ARHGAP15: variants seen among roughly 807,000 people sequenced by gnomAD.
The protein encoded by ARHGAP15 is rho GTPase-activating protein 15.
Under a neutral mutation model 63.7 loss-of-function variants are expected in ARHGAP15, and 51 were observed. The ratio of observed to expected loss-of-function variants is 0.80; its 90% CI spans 0.64 to 1.01. The LOEUF (loss-of-function observed/expected upper bound fraction) is 1.01. Ranked by LOEUF, ARHGAP15 falls within the 50% of genes least tolerant of loss-of-function variation. The pLI, the probability that ARHGAP15 is intolerant of heterozygous loss-of-function variation, is 0.00. For synonymous variants in ARHGAP15, 191 were observed against 193.8 expected (o/e 0.99, Z 0.12); for missense variants, 560 against 564.6 (o/e 0.99, Z 0.08).
chr2:143,724,051 ATGTGTG>A (rs70982882), intron 13 of ARHGAP15, among the ~76,000 whole-genome samples: 3 of 149,858 alleles, frequency 2.0e-5, no homozygotes, highest in Non-Finnish European at 4.4e-5. Flanking sequence ...ATCCACCTTC[ATGTGTG>A]TGTGTGTGTG....
chr2:143,555,188 T>C (rs962596481), intron 10 of ARHGAP15, among the ~76,000 whole-genome samples: 3 of 152,154 alleles, frequency 2.0e-5, no homozygotes, highest in African/African-American at 4.8e-5. Context: ...CAATGCAATA[T>C]TTTGCACAAT....
chr2:143,661,473 G>C (rs1681769734), intron 12 of ARHGAP15, among the ~76,000 whole-genome samples: 1 of 152,050 alleles, frequency 6.6e-6, no homozygotes, highest in Non-Finnish European at 1.5e-5. Context: ...AGAGAGACAA[G>C]GGTACAAAAA....
Position 143,585,252 on chromosome 2 carries a change from T to A in ARHGAP15, c.1003+28767T>A, listed in dbSNP as rs557179021. ...CTGATTTTATGCAACTATATTGCTG[T>A]TTGTCAAAAGAATACTTAAAAACTT... On this transcript the variant is annotated intron_variant, in intron 11 of 13. Coordinates refer to ENST00000295095, the MANE Select transcript of ARHGAP15 (RefSeq NM_018460.4). Among the ~76,000 whole-genome samples, 279 of 152,288 alleles carry A rather than the reference T, an allele frequency of 1.8e-3. 2 individuals are homozygous for A. The highest frequency in any genetic ancestry group is 2.9e-3 in the Non-Finnish European group (198 of 68,020).
At chr2:143,702,410 ATT>A (rs1034077155) in intron 12 of ARHGAP15, among the ~76,000 whole-genome samples, 1 of 151,616 alleles carries the variant, frequency 6.6e-6, no homozygotes, top group African/African-American at 2.4e-5. Context: ...TGCTATTTCA[ATT>A]TTTTTTTCTG....
chr2:143,400,876 T>A (rs1687962384), intron 6 of ARHGAP15, among the ~76,000 whole-genome samples: 1 of 152,060 alleles, frequency 6.6e-6, no homozygotes, highest in Non-Finnish European at 1.5e-5. Flanking sequence ...ACTTATTGAT[T>A]TTTGAGTACA....
chr2:143,637,069 G>A (rs1368109144), intron 12 of ARHGAP15, among the ~76,000 whole-genome samples: 1 of 151,438 alleles, frequency 6.6e-6, no homozygotes, highest in Non-Finnish European at 1.5e-5. Context: ...CCTACCAGGA[G>A]AGCCCCACCC....
intron 6 of ARHGAP15, among the ~76,000 whole-genome samples, chr2:143,349,531 T>C (rs1337617313): frequency 6.6e-6 from 1 of 152,214 alleles, no homozygotes; most frequent in Non-Finnish European, 1.5e-5. Context: ...GAGGGTCACT[T>C]TGCATGTGAA....
chr2:143,496,476 T>C (rs562982027), intron 9 of ARHGAP15, among the ~76,000 whole-genome samples: 5 of 152,302 alleles, frequency 3.3e-5, no homozygotes, highest in African/African-American at 1.2e-4. Flanking sequence ...CAAGAATTTA[T>C]TTTCTTATGG....
intron 12 of ARHGAP15, among the ~76,000 whole-genome samples, chr2:143,681,103 T>G (rs1004132961): frequency 6.6e-6 from 1 of 152,160 alleles, no homozygotes; most frequent in African/African-American, 2.4e-5. Context: ...TGTAGTCTGT[T>G]AAACACCATA....
chr2:143,484,740 C>T (rs115256010), intron 8 of ARHGAP15, among the ~76,000 whole-genome samples: 1,745 of 152,128 alleles, frequency 0.011, 30 homozygotes, highest in African/African-American at 0.04. Context: ...CAAAAAGAAA[C>T]AATTTAAATA....
intron 11 of ARHGAP15, among the ~76,000 whole-genome samples, chr2:143,584,667 A>G (rs1460563239): frequency 2.6e-5 from 4 of 152,154 alleles, no homozygotes; most frequent in African/African-American, 4.8e-5. Context: ...AATATAATAC[A>G]TATCTACAAA....
chr2:143,732,547 C>A (rs926638386), intron 13 of ARHGAP15, among the ~76,000 whole-genome samples: 1 of 152,070 alleles, frequency 6.6e-6, no homozygotes, highest in Non-Finnish European at 1.5e-5. Flanking sequence ...TAGCTCACAA[C>A]CTCACATTTA....
At chr2:143,534,730 A>G (rs1342306434) in intron 10 of ARHGAP15, among the ~76,000 whole-genome samples, 1 of 151,920 alleles carries the variant, frequency 6.6e-6, no homozygotes, top group Non-Finnish European at 1.5e-5. Flanking sequence ...AATACCAAAA[A>G]AAATAGCCAG....
At chr2:143,333,400 T>G (rs1684635575) in intron 6 of ARHGAP15, among the ~76,000 whole-genome samples, 1 of 152,208 alleles carries the variant, frequency 6.6e-6, no homozygotes, top group African/African-American at 2.4e-5. Context: ...TTCGAGCCCT[T>G]CTTGTCCGAG....
chr2:143,764,671 C>T (rs1686887632), intron 13 of ARHGAP15, among the ~76,000 whole-genome samples: 1 of 152,132 alleles, frequency 6.6e-6, no homozygotes, highest in Non-Finnish European at 1.5e-5. Context: ...TCAGACTATC[C>T]CTCCACTAAT....
intron 12 of ARHGAP15, among the ~76,000 whole-genome samples, chr2:143,653,192 A>G (rs1681260769): frequency 6.6e-6 from 1 of 152,086 alleles, no homozygotes; most frequent in African/African-American, 2.4e-5. Flanking sequence ...AGATTTTTAA[A>G]ATGCTAAATC....
At chr2:143,511,568 T>TTTTGTTTGTTTGTTTG (rs35790368) in intron 9 of ARHGAP15, among the ~76,000 whole-genome samples, 1 of 150,676 alleles carries the variant, frequency 6.6e-6, no homozygotes, top group Admixed American at 6.6e-5. Context: ...AAGTGTTCTT[T>TTTTGTTTGTTTGTTTG]TTTGTTTGTT....
chr2:143,354,737 C>T (rs1370710272), intron 6 of ARHGAP15, among the ~76,000 whole-genome samples: 5 of 152,036 alleles, frequency 3.3e-5, no homozygotes, highest in Non-Finnish European at 5.9e-5. Context: ...GCGCCTGGAA[C>T]GACTTTGCTT....
intron 8 of ARHGAP15, among the ~76,000 whole-genome samples, chr2:143,443,401 T>G (rs1689983322): frequency 6.7e-6 from 1 of 148,214 alleles, no homozygotes. Context: ...AGGACAAAGT[T>G]TTCTGATTTG....
Sources: gnomAD v4.1 joint callset for allele counts (sites outside exome capture counted in the v4.1 genomes callset) on GRCh38, gnomAD v4.1.1 for gene constraint, MANE v1.5 for transcripts, NCBI Gene and HGNC (gene_info 2026-07-23, HGNC 2026-07-21) for gene names.